The following TRPC7 variants were observed in gnomAD, a reference collection of about 807,000 sequenced individuals.
TRPC7 encodes short transient receptor potential channel 7.
In TRPC7, 42 loss-of-function variants were observed where a neutral mutation model predicts 90.1. The ratio of observed to expected loss-of-function variants is 0.47; its 90% CI spans 0.36 to 0.60. The LOEUF is 0.60. Ranked by LOEUF, TRPC7 falls within the 20% of genes least tolerant of loss-of-function variation. The pLI, the probability that TRPC7 is intolerant of heterozygous loss-of-function variation, is 0.00. For synonymous variants in TRPC7, 451 were observed against 436.3 expected (o/e 1.03, Z -0.42); for missense variants, 955 against 1,112.3 (o/e 0.86, Z 2.01).
intron 3 of TRPC7, among the ~76,000 whole-genome samples, chr5:136,301,925 C>T (rs571465287): frequency 5.3e-5 from 8 of 152,328 alleles, no homozygotes; most frequent in East Asian, 1.9e-4. Flanking sequence ...GATCCACCTA[C>T]GACCTCAGGT....
chr5:136,222,552 G>T (rs1292984801), intron 10 of TRPC7, among the ~76,000 whole-genome samples: 1 of 152,198 alleles, frequency 6.6e-6, no homozygotes, highest in African/African-American at 2.4e-5. Flanking sequence ...CCCAAGGAAA[G>T]AGAGGAACCA....
chr5:136,297,572 A>G (rs1434584577), intron 3 of TRPC7, among the ~76,000 whole-genome samples: 1 of 152,138 alleles, frequency 6.6e-6, no homozygotes, highest in Admixed American at 6.5e-5. Flanking sequence ...ACCCAAATAT[A>G]TTATTATAAT....
At chr5:136,341,645 C>A (rs1759851623) in intron 2 of TRPC7, among the ~76,000 whole-genome samples, 1 of 152,126 alleles carries the variant, frequency 6.6e-6, no homozygotes, top group African/African-American at 2.4e-5. Context: ...TTTTTCATAT[C>A]ATATATTCCT....
At chr5:136,255,865 A>G (rs978236387) in intron 5 of TRPC7, among the ~76,000 whole-genome samples, 8 of 152,184 alleles carry the variant, frequency 5.3e-5, no homozygotes, top group Admixed American at 3.9e-4. Flanking sequence ...ATTTGAACCC[A>G]GAAGGTCTGC....
intron 5 of TRPC7, among the ~76,000 whole-genome samples, chr5:136,259,909 C>T (rs946117953): frequency 2.0e-5 from 3 of 152,230 alleles, no homozygotes; most frequent in Non-Finnish European, 4.4e-5. Flanking sequence ...CTGGCTCTGT[C>T]TACTTAGTCT....
chr5:136,301,632 G>T (rs1758392363), intron 3 of TRPC7, among the ~76,000 whole-genome samples: 1 of 152,036 alleles, frequency 6.6e-6, no homozygotes, highest in Non-Finnish European at 1.5e-5. Context: ...CCTTGAGAAT[G>T]TACTTTGTGA....
chr5:136,271,750 A>G (rs1757218754), intron 4 of TRPC7, among the ~76,000 whole-genome samples: 1 of 152,214 alleles, frequency 6.6e-6, no homozygotes, highest in East Asian at 1.9e-4. Context: ...CCAGGCCTGC[A>G]TTTATCATTA....
At chr5:136,291,595 C>T (rs1280851467) in intron 3 of TRPC7, among the ~76,000 whole-genome samples, 5 of 152,096 alleles carry the variant, frequency 3.3e-5, no homozygotes, top group Admixed American at 6.5e-5. Flanking sequence ...GAACTAACTA[C>T]CCTAAATATA....
Position 136,247,695 on chromosome 5 carries a change from C to T in TRPC7, c.1620G>A (p.Ser540=), listed in dbSNP as rs766093193. Residue 540 remains serine (S), a synonymous_variant, in exon 7 of 12, where the codon TCG becomes TCA. Transcript: ENST00000513104. The surrounding 1 kb of genome is among the most constrained non-coding windows in gnomAD (Gnocchi z 4.2). ...KWWPSDPQII[S]EGLYAIAVVL... is the part of the protein sequence containing the mutation. ...CGACGGCTATCGCGTAGAGCCCTTC[C>T]GATATGATCTGAGGGTCTGAAGGCC... The T allele has an allele frequency of 2.6e-5, 42 of 1,613,780 alleles. No individual in the cohort carries two copies. The highest frequency in any genetic ancestry group is 1.6e-4 in the East Asian group (7 of 44,890).
chr5:136,338,133 C>A (rs1184929343), intron 2 of TRPC7, among the ~76,000 whole-genome samples: 2 of 152,122 alleles, frequency 1.3e-5, no homozygotes, highest in Non-Finnish European at 2.9e-5. Flanking sequence ...CAGTAATTAG[C>A]AGTCTCACTC....
chr5:136,339,839 GCAACAA>G (rs10573372), intron 2 of TRPC7, among the ~76,000 whole-genome samples: 35 of 138,198 alleles, frequency 2.5e-4, no homozygotes, highest in East Asian at 6.3e-4. Flanking sequence ...TCTCTCTACT[GCAACAA>G]CAACAACAAC....
At position 136,247,488 on chromosome 5, in the gene TRPC7, G is replaced by A. The variant is rs1379413591; in HGVS notation, c.1827C>T (p.Tyr609=). Reference sequence around the variant, plus strand: ...ATACTCACGTTGTAAACGCTGGGTTGTATTTGGCACCTCGGTAGTAAGAGT... The same window carrying A: ...ATACTCACGTTGTAAACGCTGGGTTATATTTGGCACCTCGGTAGTAAGAGT... ...NLYSYYRGAK[Y]NPAFTTVEES... Residue 609 remains tyrosine (Y), a synonymous_variant, in exon 7 of 12, where the codon TAC becomes TAT. Coordinates refer to ENST00000513104, the MANE Select transcript of TRPC7 (RefSeq NM_020389.3). This position sits in a 1 kb window ranked among gnomAD's most constrained non-coding sequence, Gnocchi z 4.2. The A allele has an allele frequency of 1.2e-6, 2 of 1,613,058 alleles. No homozygotes were observed. The highest frequency in any genetic ancestry group is 2.7e-5 in the African/African-American group (2 of 74,898).
At chr5:136,364,724 C>G (rs774980335) in intron 1 of TRPC7, among the ~76,000 whole-genome samples, 9 of 152,136 alleles carry the variant, frequency 5.9e-5, no homozygotes, top group Non-Finnish European at 1.3e-4. Flanking sequence ...TCATTAGGAG[C>G]ATATTTGTTA....
intron 2 of TRPC7, among the ~76,000 whole-genome samples, chr5:136,318,799 T>C (rs572844377): frequency 7.9e-5 from 12 of 152,124 alleles, no homozygotes; most frequent in Admixed American, 7.9e-4. Flanking sequence ...AATCCTTTGA[T>C]TCCACCTTCC....
At chr5:136,213,630 G>A (rs779554156) in intron 11 of TRPC7, 26 bp from the exon 12 acceptor site, 1 of 1,612,564 alleles carries the variant, frequency 6.2e-7, no homozygotes, top group African/African-American at 1.3e-5. Context: ...AGATTTTGCT[G>A]AGTCTGAGTA....
At chr5:136,260,888 G>T (rs1466529681) in intron 5 of TRPC7, among the ~76,000 whole-genome samples, 1 of 152,216 alleles carries the variant, frequency 6.6e-6, no homozygotes, top group Non-Finnish European at 1.5e-5. Flanking sequence ...CAACTCTAGA[G>T]TTGCTTCTGA....
Position 136,357,511 on chromosome 5 carries a change from A to G in TRPC7, c.3-126T>C. 6.9e-6 allele frequency: 7 copies of G among 1,009,600 alleles called. No homozygotes were observed. In the South Asian group the frequency reaches 1.2e-4, roughly 18 times the overall value. 62.5% of individuals were successfully genotyped at this position (1,009,600 alleles called of 1,614,324 possible). A position where few individuals can be genotyped will look rare whatever the true frequency, so the allele number is the denominator to read the frequency against. On this transcript the variant is annotated intron_variant, in intron 1 of 11. Transcript: ENST00000513104. ...ATCTTATGAGGAATTGTGCAATCTT[A>G]CAAATCATTGTCTTAATCATCAAGA...
intron 2 of TRPC7, among the ~76,000 whole-genome samples, chr5:136,355,407 G>A (rs1760333232): frequency 6.6e-6 from 1 of 152,168 alleles, no homozygotes; most frequent in African/African-American, 2.4e-5. Flanking sequence ...ATAAAATGAG[G>A]CTGATAACAG....
At chr5:136,293,675 T>C (rs1758049380) in intron 3 of TRPC7, among the ~76,000 whole-genome samples, 1 of 152,214 alleles carries the variant, frequency 6.6e-6, no homozygotes, top group Admixed American at 6.5e-5. Context: ...TCCATGCTCA[T>C]GGGTAGGAAG....
Sources: allele counts gnomAD v4.1 joint callset (sites outside exome capture counted in the v4.1 genomes callset), GRCh38; gene constraint gnomAD v4.1.1; non-coding constraint Gnocchi (gnomAD v3.1); transcripts MANE v1.5; gene names NCBI Gene and HGNC (gene_info 2026-07-23, HGNC 2026-07-21).